LRRC9: variants seen among roughly 807,000 people sequenced by gnomAD.
LRRC9 encodes the protein leucine-rich repeat-containing protein 9.
Under a neutral mutation model 63.2 loss-of-function variants are expected in LRRC9, and 122 were observed. The observed-to-expected ratio is 1.93, with a 90% confidence interval of 1.67 to 2.24. The LOEUF is 2.24. LRRC9 is among the 30% of genes most tolerant of loss of function. LRRC9 has a pLI of 0.00. For missense variants in LRRC9, 1,071 were observed against 627.7 expected (o/e 1.71, Z -7.55); for synonymous variants, 366 against 213.1 (o/e 1.72, Z -6.25).
chr14:59,980,883 A>G (rs530850193), intron 15 of LRRC9, among the ~76,000 whole-genome samples: 1 of 152,308 alleles, frequency 6.6e-6, no homozygotes, highest in African/African-American at 2.4e-5. Context: ...TGATGTCAGC[A>G]AAGACCTTGG....
chr14:60,032,281 C>T (rs895373291), intron 29 of LRRC9, among the ~76,000 whole-genome samples: 2 of 151,982 alleles, frequency 1.3e-5, no homozygotes, highest in African/African-American at 4.8e-5. Flanking sequence ...CATTGTATTC[C>T]TTGGCCTATT....
At chr14:59,933,599 C>T (rs1171967115) in intron 6 of LRRC9, among the ~76,000 whole-genome samples, 1 of 152,020 alleles carries the variant, frequency 6.6e-6, no homozygotes, top group African/African-American at 2.4e-5. Context: ...CATTCTTTTA[C>T]TCAGGCAAAA....
chr14:60,035,345 T>TCA (rs995450256), intron 29 of LRRC9, among the ~76,000 whole-genome samples: 1 of 152,234 alleles, frequency 6.6e-6, no homozygotes. Flanking sequence ...CGGAAGCTTT[T>TCA]CAGCTTGATG....
rs553677637 is a variant in LRRC9 at position 60,061,471 on chromosome 14, TG to T, written c.4277-1851del. On this transcript the variant is annotated intron_variant, in intron 31 of 31. Coordinates refer to ENST00000445360, the Ensembl canonical transcript of LRRC9. Reference sequence around the variant, plus strand: ...TATTTTTAAATTAAGGTATGTACATTGTTTTTTTAAACATAATGCTACTGCA... The same window carrying T: ...TATTTTTAAATTAAGGTATGTACATTTTTTTTTAAACATAATGCTACTGCA... 5.1e-3 allele frequency among the ~76,000 whole-genome samples: 773 copies of T among 152,334 alleles called. 3 individuals are homozygous for T. The highest frequency in any genetic ancestry group is 0.022 in the South Asian group (108 of 4,828).
At position 59,966,818 on chromosome 14, in the gene LRRC9, G is replaced by C. The variant is rs1884906740; in HGVS notation, c.1388+53G>C. 1.8e-6 allele frequency: 1 copy of C among 544,900 alleles called. No homozygotes were observed. Among genetic ancestry groups the C allele is most frequent in the Non-Finnish European group, 3.3e-6 (1 of 304,424 alleles). The allele number at this position is 544,900 out of a possible 1,614,324, so 33.8% of individuals were successfully genotyped here. On this transcript the variant is annotated intron_variant, in intron 11 of 31. Transcript: ENST00000445360. This position sits in a 1 kb window ranked among gnomAD's most constrained non-coding sequence, Gnocchi z 4.0. ...ACTTTACAAAAGTGTGACTGTATTTGTAAAATTTCTATTTTAAAAGTTTAC... is the reference window on the plus strand; with the variant it reads ...ACTTTACAAAAGTGTGACTGTATTTCTAAAATTTCTATTTTAAAAGTTTAC...
chr14:59,923,882 A>T lies in LRRC9; in HGVS notation c.-34+3999A>T, dbSNP rs1053813186. ...CGTGAACCCGGGAGGTGGAGCTTGCAGTGAGCTGAGATCGCGCCACTGCAC... is the reference window on the plus strand; with the variant it reads ...CGTGAACCCGGGAGGTGGAGCTTGCTGTGAGCTGAGATCGCGCCACTGCAC... On this transcript the variant is annotated intron_variant, in intron 1 of 31. Coordinates refer to ENST00000445360, the Ensembl canonical transcript of LRRC9. The surrounding 1 kb of genome is among the most constrained non-coding windows in gnomAD (Gnocchi z 4.2). Among the ~76,000 whole-genome samples, 11 of 152,228 alleles carry T rather than the reference A, an allele frequency of 7.2e-5. No individual in the cohort carries two copies. The highest frequency in any genetic ancestry group is 2.4e-4 in the African/African-American group (10 of 41,478).
chr14:59,933,573 T>C (rs898003658), intron 6 of LRRC9, among the ~76,000 whole-genome samples: 1 of 152,128 alleles, frequency 6.6e-6, no homozygotes, highest in African/African-American at 2.4e-5. Context: ...TTTGAGTTCA[T>C]AAGTATTAAA....
chr14:59,980,097 A>G (rs1338917536), intron 15 of LRRC9, among the ~76,000 whole-genome samples: 4 of 152,158 alleles, frequency 2.6e-5, no homozygotes, highest in Non-Finnish European at 5.9e-5. Context: ...TATGTCAAAA[A>G]GCCTGTAATA....
At chr14:60,019,380 C>T (rs1890940717) in intron 26 of LRRC9, 120 bp downstream of exon 26, 2 of 453,598 alleles carry the variant, frequency 4.4e-6, no homozygotes, top group Non-Finnish European at 7.8e-6. Context: ...ATTGTAATAC[C>T]TATTTTATTT....
intron 10 of LRRC9, among the ~76,000 whole-genome samples, chr14:59,965,618 G>C (rs1808465474): frequency 1.3e-5 from 2 of 151,942 alleles, no homozygotes; most frequent in South Asian, 4.1e-4. Flanking sequence ...GGGCGCGGTG[G>C]CTCACGCCTG....
rs1890188727 is a variant in LRRC9, at chr14:59,937,015, C to G, written c.544-1375C>G. Among the ~76,000 whole-genome samples the G allele has an allele frequency of 2.0e-5, 3 of 152,034 alleles. No individual in the cohort carries two copies. The South Asian group carries it at 6.2e-4, about 32-fold the overall frequency. ...GTACCCTCCTACCTCAGGCACCATC[C>G]TGGTAATGAGAAAGGTATGAGGATA... On this transcript the variant is annotated intron_variant, in intron 6 of 31. Transcript: ENST00000445360.
Position 60,001,953 on chromosome 14 carries a change from T to A in LRRC9, c.2530-13T>A, listed in dbSNP as rs113272259. ...TGTTTCCTTTTTTCACTGTATTTTTTAAATTTTATTAGTTATCTCTCTTAC... is the reference window on the plus strand; with the variant it reads ...TGTTTCCTTTTTTCACTGTATTTTTAAAATTTTATTAGTTATCTCTCTTAC... On this transcript the variant is annotated splice_polypyrimidine_tract_variant and intron_variant, in intron 19 of 31. Transcript: ENST00000445360. 46 of 636,760 alleles carry A rather than the reference T, an allele frequency of 7.2e-5. No individual in the cohort carries two copies. The highest frequency in any genetic ancestry group is 2.8e-4 in the African/African-American group (15 of 54,146). 39.4% of individuals were successfully genotyped at this position (636,760 alleles called of 1,614,324 possible).
chr14:59,985,195 T>C (rs1362111731), exon 17 of LRRC9: 2 of 689,486 alleles, frequency 2.9e-6, no homozygotes, highest in Admixed American at 2.1e-5. Flanking sequence ...CTTTAATGAA[T>C]TTACCTGTTT....
chr14:59,958,968 A>G lies in LRRC9; in HGVS notation c.883-850A>G, dbSNP rs1386734306. Among the ~76,000 whole-genome samples, 1 of 152,196 alleles carries G rather than the reference A, an allele frequency of 6.6e-6. No homozygotes were observed. The highest frequency in any genetic ancestry group is 1.5e-5 in the Non-Finnish European group (1 of 68,034). ...TGTCTAACCAGTCTCACTGAGATGA[A>G]CAGGGTACCTCAGTTGGAAATGCAG... On this transcript the variant is annotated intron_variant, in intron 8 of 31. Transcript: ENST00000445360. The surrounding 1 kb of genome is among the most constrained non-coding windows in gnomAD (Gnocchi z 4.0).
At chr14:59,967,589 C>T (rs549157967) in intron 12 of LRRC9, among the ~76,000 whole-genome samples, 32 of 152,274 alleles carry the variant, frequency 2.1e-4, no homozygotes, top group African/African-American at 6.7e-4. Context: ...CTAGCTATTG[C>T]TTTCCTTTTA....
At chr14:60,032,025 A>C in exon 29 of LRRC9, 1 of 701,024 alleles carries the variant, frequency 1.4e-6, no homozygotes, top group Non-Finnish European at 2.6e-6. Flanking sequence ...ACTTGACGTT[A>C]TCTCTACTCT....
chr14:59,944,713 G>A (rs1009522324), exon 8 of LRRC9: 8 of 674,480 alleles, frequency 1.2e-5, no homozygotes, highest in African/African-American at 1.1e-4. Context: ...CCAGAAGAAC[G>A]AGTAAAATTA....
chr14:59,990,765 ACTC>A lies in LRRC9; in HGVS notation c.2211+5546_2211+5548del, dbSNP rs1446564174. On this transcript the variant is annotated intron_variant, in intron 17 of 31. Transcript: ENST00000445360. The surrounding 1 kb of genome is among the most constrained non-coding windows in gnomAD (Gnocchi z 4.2). ...CTCATCTGGTATTGAAGAGAACAAA[ACTC>A]CTCCCTATTTCAATTGCTGTAAATT... Among the ~76,000 whole-genome samples the A allele has an allele frequency of 1.3e-5, 2 of 150,442 alleles. No individual in the cohort carries two copies. The highest frequency in any genetic ancestry group is 3.9e-4 in the East Asian group (2 of 5,106).
chr14:59,992,424 C>T (rs1347910952), intron 17 of LRRC9, among the ~76,000 whole-genome samples: 4 of 152,112 alleles, frequency 2.6e-5, no homozygotes, highest in Non-Finnish European at 4.4e-5. Context: ...TCCAAAGGAA[C>T]GCAGCTCCTC....
Sources: gnomAD v4.1 joint callset for allele counts (sites outside exome capture counted in the v4.1 genomes callset) on GRCh38, gnomAD v4.1.1 for gene constraint, Gnocchi (gnomAD v3.1) non-coding constraint, MANE v1.5 for transcripts, NCBI Gene and HGNC (gene_info 2026-07-23, HGNC 2026-07-21) for gene names.